Variants in ACOT11 observed in about 807,000 individuals in gnomAD.
ACOT11 encodes the protein acyl-coenzyme A thioesterase 11.
ACOT11 carries 69 observed loss-of-function variants against 77.5 expected under a neutral mutation model. That is an observed-to-expected ratio of 0.89 (90% CI 0.73 to 1.09). The LOEUF (loss-of-function observed/expected upper bound fraction) is 1.09. Among genes scored for constraint, ACOT11 ranks in the 50% least tolerant of loss-of-function variants. The pLI is 0.00. For missense variants in ACOT11, 766 were observed against 813.7 expected (o/e 0.94, Z 0.71); for synonymous variants, 279 against 313.0 (o/e 0.89, Z 1.15).
Position 54,607,528 on chromosome 1 carries a change from G to A in ACOT11, c.1502+263G>A, listed in dbSNP as rs546524278. The stretch of plus-strand genomic sequence containing the variant: ...CCAGGGTGGCTCAGGCTGCCTCGAT[G>A]CAGGCCTTGGGCAGGATATTTCTCA... On this transcript the variant is annotated intron_variant, in intron 14 of 15. Transcript: ENST00000343744. This position sits in a 1 kb window ranked among gnomAD's most constrained non-coding sequence, Gnocchi z 4.5. 4.8e-4 allele frequency among the ~76,000 whole-genome samples: 73 copies of A among 152,260 alleles called. No homozygotes were observed. Among genetic ancestry groups the A allele is most frequent in the African/African-American group, 1.7e-3 (70 of 41,558 alleles).
chr1:54,597,229 G>A, intron 6 of ACOT11, 30 bp from the exon 7 acceptor site: 1 of 1,606,668 alleles, frequency 6.2e-7, no homozygotes, highest in South Asian at 1.1e-5. Context: ...TCACCTCCCT[G>A]CTTCCCTCCC....
rs145628226 is a variant in ACOT11 at position 54,601,366 on chromosome 1, G to A, written c.982G>A (p.Ala328Thr). 3.1e-5 allele frequency: 50 copies of A among 1,613,454 alleles called. No individual in the cohort carries two copies. In the African/African-American group the frequency reaches 3.7e-4, roughly 12 times the overall value. ...SAFMTFVVLDADDQPQLLPWI... is the reference protein window; with the variant it reads ...SAFMTFVVLDTDDQPQLLPWI... ...CTTTATGACCTTTGTGGTCCTGGAC[G>A]CAGATGACCAGCCCCAGTTGCTGCC... is the stretch of plus-strand genomic sequence containing the variant. The change falls in exon 9 of 16, where the codon GCA becomes ACA. Residue 328 changes from alanine to threonine, a missense_variant. Transcript: ENST00000343744.
intron 1 of ACOT11, among the ~76,000 whole-genome samples, chr1:54,561,026 A>G (rs1277745685): frequency 6.6e-6 from 1 of 151,912 alleles, no homozygotes; most frequent in East Asian, 2.0e-4. Context: ...TTGGCCTCCC[A>G]AAGTGCTGGG....
chr1:54,594,714 T>A, intron 6 of ACOT11, 23 bp downstream of exon 6: 1 of 1,597,326 alleles, frequency 6.3e-7, no homozygotes, highest in Non-Finnish European at 8.6e-7. Flanking sequence ...CAGCTGTGCA[T>A]GGGGAGGGTA....
downstream of ACOT11, chr1:54,611,019 GGTTTGGAATTTGCTGGT>G: frequency 1.0e-6 from 1 of 985,362 alleles, no homozygotes; most frequent in South Asian, 4.7e-5. Flanking sequence ...AATAATGGGG[GGTTTGGAATTTGCTGGT>G]TTCCTACCTG....
rs2304306 is a variant in ACOT11 at position 54,594,578 on chromosome 1, C to T, written c.494C>T (p.Pro165Leu). ...CAGGTGAAGCTGAAGCAGATCACGC[C>T]GCGGACAGAAGAGGAGAAGATGGAG... ...ITKVKLKQITPRTEEEKMEHS... is the reference protein window; with the variant it reads ...ITKVKLKQITLRTEEEKMEHS... The change falls in exon 6 of 16, where the codon CCG (proline) becomes CTG (leucine). Residue 165 changes from proline (P) to leucine (L), a missense_variant. Physicochemically the swap from Pro to Leu is moderately conservative, Grantham distance 98. Coordinates refer to ENST00000343744, the MANE Select transcript of ACOT11 (RefSeq NM_147161.4). 0.038 allele frequency: 61,470 copies of T among 1,613,714 alleles called. 2,430 individuals are homozygous for T. Among genetic ancestry groups the T allele is most frequent in the East Asian group, 0.17 (7,556 of 44,856 alleles).
intron 3 of ACOT11, among the ~76,000 whole-genome samples, chr1:54,586,249 T>A (rs1056594522): frequency 1.3e-5 from 2 of 152,070 alleles, no homozygotes; most frequent in Non-Finnish European, 2.9e-5. Flanking sequence ...TTAGACTTAA[T>A]CATTGAGTGC....
At chr1:54,595,694 C>T (rs1175390889) in intron 6 of ACOT11, among the ~76,000 whole-genome samples, 1 of 152,150 alleles carries the variant, frequency 6.6e-6, no homozygotes, top group Non-Finnish European at 1.5e-5. Context: ...TATACCAGTA[C>T]AGAAAGATCT....
At chr1:54,611,947 G>A (rs1644122939), downstream of ACOT11, among the ~76,000 whole-genome samples, 1 of 152,074 alleles carries the variant, frequency 6.6e-6, no homozygotes, top group African/African-American at 2.4e-5. Flanking sequence ...TGAAAGCAGA[G>A]GCCCAGGAGG....
chr1:54,606,380 C>T (rs1349756379), intron 13 of ACOT11, among the ~76,000 whole-genome samples: 1 of 152,198 alleles, frequency 6.6e-6, no homozygotes, highest in Admixed American at 6.5e-5. Flanking sequence ...ACCCTGCCTA[C>T]TGCTGAGTGC....
chr1:54,558,449 T>C (rs957005417), intron 1 of ACOT11, among the ~76,000 whole-genome samples: 1 of 152,190 alleles, frequency 6.6e-6, no homozygotes, highest in African/African-American at 2.4e-5. Context: ...AGCTAGTAAG[T>C]AGCATTGCTG....
intron 16 of ACOT11, among the ~76,000 whole-genome samples, chr1:54,632,544 C>T: frequency 6.6e-6 from 1 of 152,136 alleles, no homozygotes. Flanking sequence ...GAAAGCAGAG[C>T]CAGGAGAGCG....
At chr1:54,588,480 T>C (rs1654584317) in intron 3 of ACOT11, among the ~76,000 whole-genome samples, 1 of 152,128 alleles carries the variant, frequency 6.6e-6, no homozygotes, top group Admixed American at 6.5e-5. Flanking sequence ...GTACAGCTAA[T>C]GGAGGACCCA....
Position 54,620,011 on chromosome 1 carries a change from GA to G in ACOT11, c.1630-10721del, listed in dbSNP as rs200147461. ...CTGCAGGCCTCCAGCTCACAGCCTG[GA>G]AGGAATCCCAAGGGGCTGTTAGCGT... On this transcript the variant is annotated intron_variant, in intron 15 of 16. Coordinates refer to the ACOT11 transcript ENST00000371316. 0.17 allele frequency: 267,450 copies of G among 1,613,032 alleles called. 24,729 individuals carry two copies. The highest frequency in any genetic ancestry group is 0.19 in the Non-Finnish European group (228,669 of 1,179,218).
downstream of ACOT11, chr1:54,612,740 C>T (rs753371676): frequency 1.3e-5 from 21 of 1,577,924 alleles, no homozygotes; most frequent in African/African-American, 9.4e-5. Context: ...GTTGGTCTCA[C>T]GGAGCTGCAG....
chr1:54,619,089 T>C (rs1353321598), intron 15 of ACOT11, among the ~76,000 whole-genome samples: 2 of 152,210 alleles, frequency 1.3e-5, no homozygotes, highest in East Asian at 1.9e-4. Context: ...AGGAGTTTGC[T>C]TGAGCAGTGA....
downstream of ACOT11, chr1:54,610,666 T>C: frequency 6.8e-7 from 1 of 1,468,710 alleles, no homozygotes; most frequent in South Asian, 1.4e-5. Context: ...CTAAGCCTCA[T>C]AGCACCCTGC....
In ACOT11 at chr1:54,607,294, G is replaced by A. The variant is rs1032725342; in HGVS notation, c.1502+29G>A. On this transcript the variant is annotated intron_variant, in intron 14 of 15. Coordinates refer to ENST00000343744, the MANE Select transcript of ACOT11 (RefSeq NM_147161.4). The surrounding 1 kb of genome is among the most constrained non-coding windows in gnomAD (Gnocchi z 4.5). ...TGTGCCTATCTGCTGTGGGGTGGGG[G>A]ACACAACTGGACAGGGTGGTAGGGT... 25 of 1,612,288 alleles carry A rather than the reference G, an allele frequency of 1.6e-5. No individual in the cohort carries two copies. The highest frequency in any genetic ancestry group is 2.0e-5 in the Non-Finnish European group (24 of 1,178,788).
At chr1:54,575,571 G>A (rs1232248243) in intron 1 of ACOT11, among the ~76,000 whole-genome samples, 1 of 151,904 alleles carries the variant, frequency 6.6e-6, no homozygotes, top group Non-Finnish European at 1.5e-5. Flanking sequence ...GGAACGCACT[G>A]AAAAAAATCT....
Sources: gnomAD v4.1 joint callset for allele counts (sites outside exome capture counted in the v4.1 genomes callset) on GRCh38, gnomAD v4.1.1 for gene constraint, Gnocchi (gnomAD v3.1) non-coding constraint, MANE v1.5 for transcripts, NCBI Gene and HGNC (gene_info 2026-07-23, HGNC 2026-07-21) for gene names.